The following PPA1 variants were observed in gnomAD, a reference collection of about 807,000 sequenced individuals.
PPA1 encodes inorganic pyrophosphatase 1.
A neutral mutation model predicts 41.8 loss-of-function variants in PPA1; 23 were observed. The observed-to-expected ratio is 0.55, with a 90% CI of 0.40 to 0.78. The LOEUF (loss-of-function observed/expected upper bound fraction) is 0.78, where lower values mean the gene tolerates loss of function less well. Among genes scored for constraint, PPA1 ranks in the 30% least tolerant of loss-of-function variants. The probability of loss-of-function intolerance (pLI) is 0.00; values close to 1 mark genes in which losing one functional copy is unlikely to be tolerated. For synonymous variants in PPA1, 101 were observed against 116.8 expected (o/e 0.86, Z 0.87); for missense variants, 320 against 361.6 (o/e 0.89, Z 0.93).
rs1840135411 is a variant in PPA1 at position 70,220,637 on chromosome 10, TA to T, written c.124-1821del. Among the ~76,000 whole-genome samples the T allele has an allele frequency of 1.8e-3, 16 of 8,722 alleles. 4 individuals carry two copies. Among genetic ancestry groups the T allele is most frequent in the African/African-American group, 6.9e-3 (16 of 2,328 alleles). The allele number at this position is 8,722 out of a possible 152,430, so 5.7% of individuals were successfully genotyped here. ...TTATATATAATTTATATATATATAA[TA>T]TATATAATTTATATATATATTATAT... On this transcript the variant is annotated intron_variant, in intron 2 of 10. Coordinates refer to ENST00000373232, the MANE Select transcript of PPA1 (RefSeq NM_021129.4).
At chr10:70,218,004 G>T in intron 3 of PPA1, 73 bp from the exon 4 acceptor site, 4 of 1,301,546 alleles carry the variant, frequency 3.1e-6, no homozygotes, top group South Asian at 1.8e-5. Context: ...CTGAGGAAAT[G>T]AATTATGGTA....
At chr10:70,233,055 G>A (rs1398490047) in intron 1 of PPA1, among the ~76,000 whole-genome samples, 1 of 152,184 alleles carries the variant, frequency 6.6e-6, no homozygotes, top group Non-Finnish European at 1.5e-5. Context: ...CCGTTCAGCG[G>A]GGAGGGATGG....
intron 6 of PPA1, among the ~76,000 whole-genome samples, chr10:70,211,336 TCTGATA>T (rs769803499): frequency 7.2e-5 from 11 of 152,210 alleles, no homozygotes; most frequent in Non-Finnish European, 1.3e-4. Context: ...TCACTGTGAT[TCTGATA>T]CTATCTACCT....
rs1199737667 is a variant in PPA1, at chr10:70,210,477, G to A, written c.512-792C>T. On this transcript the variant is annotated intron_variant, in intron 6 of 10. Transcript: ENST00000373232. ...TCCATTGATGGGTTACGTATTAAATGTGACTAGACTTTGCTGGATAGTACA... is the reference window on the plus strand; with the variant it reads ...TCCATTGATGGGTTACGTATTAAATATGACTAGACTTTGCTGGATAGTACA... 4 of 1,342,564 alleles carry A rather than the reference G, an allele frequency of 3.0e-6. No individual in the cohort carries two copies. The African/African-American group carries it at 6.0e-5, about 20-fold the overall frequency. 83.2% of individuals were successfully genotyped at this position (1,342,564 alleles called of 1,614,324 possible). A position where few individuals can be genotyped will look rare whatever the true frequency, so the allele number is the denominator to read the frequency against.
chr10:70,221,321 G>A (rs1398897917), intron 2 of PPA1, among the ~76,000 whole-genome samples: 1 of 151,342 alleles, frequency 6.6e-6, no homozygotes, highest in Non-Finnish European at 1.5e-5. Context: ...TGATTCAAAA[G>A]TGTAGAACTT....
intron 10 of PPA1, 50 bp downstream of exon 10, chr10:70,204,823 T>C: frequency 7.1e-7 from 1 of 1,403,008 alleles, no homozygotes; most frequent in Non-Finnish European, 9.9e-7. Flanking sequence ...ACATAATTTT[T>C]CCATAACTGT....
intron 8 of PPA1, among the ~76,000 whole-genome samples, chr10:70,206,555 C>A (rs1429305806): frequency 6.6e-6 from 1 of 151,938 alleles, no homozygotes; most frequent in African/African-American, 2.4e-5. Flanking sequence ...ATTTAAGAAA[C>A]TGAGATTGGG....
intron 6 of PPA1, among the ~76,000 whole-genome samples, chr10:70,212,313 A>C (rs1330886010): frequency 1.3e-5 from 2 of 152,224 alleles, no homozygotes; most frequent in Non-Finnish European, 2.9e-5. Context: ...TTTCTTGCTC[A>C]AAGTGTTCTA....
chr10:70,224,887 T>C (rs1013368730), intron 2 of PPA1, among the ~76,000 whole-genome samples: 16 of 151,624 alleles, frequency 1.1e-4, no homozygotes, highest in Admixed American at 9.2e-4. Context: ...TGCACCACCA[T>C]GCCCAGCTAA....
In PPA1 at chr10:70,233,321, C is replaced by G. The variant is rs1392851870; in HGVS notation, c.7G>C (p.Gly3Arg). The change falls in exon 1 of 11, where the codon GGC (glycine) becomes CGC (arginine). Residue 3 changes from glycine (G) to arginine (R), a missense_variant. Coordinates refer to ENST00000373232, the MANE Select transcript of PPA1 (RefSeq NM_021129.4). ...GCGGCGCGCTCCTCGGTGCTGAAGC[C>G]GCTCATAGTGCCGGAGTCCTGCCGC... MS[G>R]FSTEERAAPF... The G allele has an allele frequency of 1.9e-6, 3 of 1,539,404 alleles. No individual in the cohort carries two copies. Among genetic ancestry groups the G allele is most frequent in the Non-Finnish European group, 1.7e-6 (2 of 1,143,760 alleles).
intron 6 of PPA1, chr10:70,210,330 G>A (rs1052900986): frequency 7.4e-7 from 1 of 1,345,338 alleles, no homozygotes; most frequent in African/African-American, 1.5e-5. Context: ...TCCTGCCTTG[G>A]CTTCCCAAAG....
chr10:70,204,632 C>T (rs1052430936), intron 10 of PPA1: 6 of 412,338 alleles, frequency 1.5e-5, no homozygotes, highest in Non-Finnish European at 2.6e-5. Flanking sequence ...ACATCTATTT[C>T]AAAATTGCTA....
rs781039227 is a variant in PPA1 at position 70,209,240 on chromosome 10, T to C, written c.690A>G (p.Leu230=). 15 of 1,604,468 alleles carry C rather than the reference T, an allele frequency of 9.3e-6. No homozygotes were observed. The highest frequency in any genetic ancestry group is 1.3e-5 in the Non-Finnish European group (15 of 1,171,524). ...CTTTTCCATTCGTTTTCTTAGTCAC[T>C]AATGCTTTCCAATGGTCATGAGTGC... ...IKSTHDHWKA[L]VTKKTNGKGI... is the part of the protein sequence containing the mutation. The change falls in exon 8 of 11, where the codon TTA becomes TTG. Residue 230 remains leucine, a synonymous_variant. Transcript: ENST00000373232.
chr10:70,221,026 TA>T lies in PPA1; in HGVS notation c.124-2210del, dbSNP rs1225020484. On this transcript the variant is annotated intron_variant, in intron 2 of 10. Coordinates refer to ENST00000373232, the MANE Select transcript of PPA1 (RefSeq NM_021129.4). Reference sequence around the variant, plus strand: ...ATAACATATATATAATTTATATATATAATATATATATAAATTATATATATAT... The same window carrying T: ...ATAACATATATATAATTTATATATATATATATATATAAATTATATATATAT... Among the ~76,000 whole-genome samples the T allele has an allele frequency of 1.3e-3, 80 of 59,886 alleles. 4 individuals are homozygous for T. The highest frequency in any genetic ancestry group is 3.3e-3 in the East Asian group (8 of 2,446). 39.3% of individuals were successfully genotyped at this position (59,886 alleles called of 152,430 possible). A position where few individuals can be genotyped will look rare whatever the true frequency, so the allele number is the denominator to read the frequency against.
rs1247463712 is a variant in PPA1, at chr10:70,233,300, C to G, written c.28G>C (p.Ala10Pro). 1.3e-6 allele frequency: 2 copies of G among 1,542,134 alleles called. No homozygotes were observed. Among genetic ancestry groups the G allele is most frequent in the Non-Finnish European group, 1.7e-6 (2 of 1,144,530 alleles). The change falls in exon 1 of 11, where the codon GCC becomes CCC. Residue 10 changes from alanine (A) to proline (P), a missense_variant. Transcript: ENST00000373232. ...CGGTACTCCAGGGAGAAGGGCGCGG[C>G]GCGCTCCTCGGTGCTGAAGCCGCTC... MSGFSTEER[A>P]APFSLEYRVF...
At chr10:70,213,910 T>A (rs1225483804) in intron 5 of PPA1, among the ~76,000 whole-genome samples, 1 of 152,208 alleles carries the variant, frequency 6.6e-6, no homozygotes, top group South Asian at 2.1e-4. Flanking sequence ...TATCTTAATA[T>A]GCTTTACCTT....
intron 4 of PPA1, 135 bp downstream of exon 4, chr10:70,217,677 T>A (rs1840094158): frequency 1.6e-6 from 1 of 638,702 alleles, no homozygotes; most frequent in Non-Finnish European, 2.4e-6. Flanking sequence ...TCTGAGTTAA[T>A]TATCCCTTCT....
chr10:70,209,362 G>A (rs966376601), intron 7 of PPA1, 72 bp from the exon 8 acceptor site: 14 of 1,362,132 alleles, frequency 1.0e-5, no homozygotes, highest in African/African-American at 2.9e-5. Flanking sequence ...TTTCCCCAAA[G>A]CCTGATACTT....
chr10:70,223,095 C>T (rs976743472), intron 2 of PPA1, among the ~76,000 whole-genome samples: 3 of 152,020 alleles, frequency 2.0e-5, no homozygotes, highest in Non-Finnish European at 2.9e-5. Context: ...CCAGGCGTGG[C>T]GACTAACGTC....
Sources: gnomAD v4.1 joint callset for allele counts (sites outside exome capture counted in the v4.1 genomes callset) on GRCh38, gnomAD v4.1.1 for gene constraint, MANE v1.5 for transcripts, NCBI Gene and HGNC (gene_info 2026-07-23, HGNC 2026-07-21) for gene names.